SLC18A2: variants seen among roughly 807,000 people sequenced by gnomAD.
The protein encoded by SLC18A2 is synaptic vesicular amine transporter.
A neutral mutation model predicts 59.2 loss-of-function variants in SLC18A2; 33 were observed. The ratio of observed to expected loss-of-function variants is 0.56; its 90% CI spans 0.42 to 0.75. The LOEUF (loss-of-function observed/expected upper bound fraction) is 0.75. Among genes scored for constraint, SLC18A2 ranks in the 30% least tolerant of loss-of-function variants. The pLI, the probability that SLC18A2 is intolerant of heterozygous loss-of-function variation, is 0.00. For missense variants in SLC18A2, 569 were observed against 668.6 expected (o/e 0.85, Z 1.64); for synonymous variants, 228 against 253.5 (o/e 0.90, Z 0.95).
intron 10 of SLC18A2, 76 bp from the exon 11 acceptor site, chr10:117,266,657 G>C: frequency 9.1e-7 from 1 of 1,103,838 alleles, no homozygotes; most frequent in Non-Finnish European, 1.4e-6. Flanking sequence ...CAACATTGTG[G>C]TGTCTACAGT....
At chr10:117,276,613 C>CAA (rs1161850365) in intron 15 of SLC18A2, among the ~76,000 whole-genome samples, 17,262 of 46,860 alleles carry the variant, frequency 0.37, 3,977 homozygotes, top group Middle Eastern at 0.48. Context: ...GACTTCATCT[C>CAA]AAAAAAAAAA....
chr10:117,270,718 C>T (rs1347708860), intron 15 of SLC18A2, among the ~76,000 whole-genome samples: 4 of 152,168 alleles, frequency 2.6e-5, no homozygotes, highest in Non-Finnish European at 5.9e-5. Context: ...GCTCTTTTGT[C>T]GACCAAGTAT....
In SLC18A2 at chr10:117,257,743, C is replaced by T. The variant is rs11568710; in HGVS notation, c.896-54C>T. 6.1e-4 allele frequency: 740 copies of T among 1,219,460 alleles called. 1 individual carries two copies. The highest frequency in any genetic ancestry group is 8.2e-4 in the Non-Finnish European group (712 of 863,714). The allele number at this position is 1,219,460 out of a possible 1,614,324, so 75.5% of individuals were successfully genotyped here. A position where few individuals can be genotyped will look rare whatever the true frequency, so the allele number is the denominator to read the frequency against. ...GTAGGCGCATGGAGTCTAACTGTGC[C>T]TGGAAATGAGAGAGGAGGCAGAAGC... On this transcript the variant is annotated intron_variant, in intron 9 of 15. Coordinates refer to ENST00000644641, the MANE Select transcript of SLC18A2 (RefSeq NM_003054.6).
Position 117,257,426 on chromosome 10 carries a change from C to T in SLC18A2, c.896-371C>T, listed in dbSNP as rs150919538. 2.6e-3 allele frequency among the ~76,000 whole-genome samples: 401 copies of T among 152,192 alleles called. 2 individuals are homozygous for T. Among genetic ancestry groups the T allele is most frequent in the African/African-American group, 8.1e-3 (337 of 41,498 alleles). The stretch of plus-strand genomic sequence containing the variant: ...CAGATGCGAGAGCCTCAGGCTGCCC[C>T]GAGACTGTGTGTGGTCTGGAAGTGG... On this transcript the variant is annotated intron_variant, in intron 9 of 15. Transcript: ENST00000644641.
intron 9 of SLC18A2, among the ~76,000 whole-genome samples, chr10:117,257,212 ATAGT>A (rs1249538978): frequency 2.0e-5 from 3 of 152,084 alleles, no homozygotes; most frequent in African/African-American, 4.8e-5. Context: ...CTTTTTCCAG[ATAGT>A]TCTATATTTA....
At chr10:117,276,638 G>GA (rs1844496743) in intron 15 of SLC18A2, among the ~76,000 whole-genome samples, 2 of 128,666 alleles carry the variant, frequency 1.6e-5, no homozygotes, top group Non-Finnish European at 3.3e-5. Context: ...AAAAAAGAAA[G>GA]AAAGAAAGAA....
chr10:117,245,444 A>C (rs549841655), intron 3 of SLC18A2, among the ~76,000 whole-genome samples: 18 of 152,254 alleles, frequency 1.2e-4, no homozygotes, highest in Admixed American at 5.9e-4. Context: ...GGCAGTTGGG[A>C]GCCATTAGAA....
In SLC18A2 at chr10:117,251,153, G is replaced by T. The variant is rs565161534; in HGVS notation, c.465-2246G>T. 2.4e-4 allele frequency among the ~76,000 whole-genome samples: 37 copies of T among 152,238 alleles called. No homozygotes were observed. The South Asian group carries it at 7.7e-3, about 32-fold the overall frequency. On this transcript the variant is annotated intron_variant, in intron 3 of 15. Coordinates refer to ENST00000644641, the MANE Select transcript of SLC18A2 (RefSeq NM_003054.6). ...AATTCCAATAGCTTTGATACGTATTGGTACTTCAACAACTAGATTTTCCAA... is the reference window on the plus strand; with the variant it reads ...AATTCCAATAGCTTTGATACGTATTTGTACTTCAACAACTAGATTTTCCAA...
At chr10:117,262,939 T>C (rs1565006705) in intron 10 of SLC18A2, among the ~76,000 whole-genome samples, 1 of 152,118 alleles carries the variant, frequency 6.6e-6, no homozygotes, top group Admixed American at 6.5e-5. Context: ...GCTTTCTTTA[T>C]AAAATCTTTA....
At chr10:117,275,014 T>C (rs1844468941) in intron 15 of SLC18A2, among the ~76,000 whole-genome samples, 1 of 152,202 alleles carries the variant, frequency 6.6e-6, no homozygotes, top group Non-Finnish European at 1.5e-5. Context: ...ATTTCATTTT[T>C]TAACCTGCTC....
In SLC18A2 at chr10:117,257,864, G is replaced by T; in HGVS notation, c.963G>T (p.Glu321Asp). ...CAGCCCTGCCCATCTGGATGATGGA[G>T]ACCATGTGTTCCCGAAAGTGGCAGC... ...LEPALPIWMM[E>D]TMCSRKWQLG... The change falls in exon 10 of 16, where the codon GAG becomes GAT. Residue 321 changes from glutamate to aspartate, a missense_variant. This residue lies in a region of SLC18A2 where 192 missense variants were observed against 278.8 expected (regional missense o/e 0.69). Transcript: ENST00000644641. The T allele has an allele frequency of 6.2e-7, 1 of 1,612,044 alleles. No homozygotes were observed. Among genetic ancestry groups the T allele is most frequent in the Non-Finnish European group, 8.5e-7 (1 of 1,178,966 alleles).
At chr10:117,243,893 C>T (rs1844080475) in intron 2 of SLC18A2, 78 bp from the exon 3 acceptor site, 2 of 1,200,686 alleles carry the variant, frequency 1.7e-6, no homozygotes, top group Non-Finnish European at 2.3e-6. Context: ...GCCGACACAA[C>T]CATAGTTTTT....
chr10:117,255,543 G>T, intron 8 of SLC18A2, 21 bp downstream of exon 8: 1 of 1,614,136 alleles, frequency 6.2e-7, no homozygotes, highest in Non-Finnish European at 8.5e-7. Context: ...GGGAATGAGG[G>T]CCCTGGGGGA....
chr10:117,271,928 T>C (rs945290331), intron 15 of SLC18A2, among the ~76,000 whole-genome samples: 2 of 152,152 alleles, frequency 1.3e-5, no homozygotes, highest in African/African-American at 4.8e-5. Context: ...TGTGTGTATA[T>C]GTGTTTGTGT....
At chr10:117,263,335 C>T (rs532887043) in intron 10 of SLC18A2, among the ~76,000 whole-genome samples, 24 of 152,312 alleles carry the variant, frequency 1.6e-4, no homozygotes, top group Non-Finnish European at 2.2e-4. Flanking sequence ...CAGGAATCTT[C>T]TCTGAGCTCG....
chr10:117,255,509 G>C lies in SLC18A2; in HGVS notation c.821G>C (p.Arg274Pro). The C allele has an allele frequency of 6.2e-7, 1 of 1,614,036 alleles. No individual in the cohort carries two copies. The highest frequency in any genetic ancestry group is 8.5e-7 in the Non-Finnish European group (1 of 1,180,028). ...CAGCTCTTTGTGCTCCAGCCGTCCC[G>C]GGTGCAGCCAGAGGTAAGCGGCTGG... ...AIQLFVLQPS[R>P]VQPESQKGTP... The change falls in exon 8 of 16, where the codon CGG (arginine) becomes CCG (proline). Residue 274 changes from arginine to proline, a missense_variant. By Grantham distance (103) the Arg-to-Pro change is moderately radical. Coordinates refer to ENST00000644641, the MANE Select transcript of SLC18A2 (RefSeq NM_003054.6).
At chr10:117,256,039 TC>T (rs1844226114) in intron 9 of SLC18A2, among the ~76,000 whole-genome samples, 1 of 152,014 alleles carries the variant, frequency 6.6e-6, no homozygotes, top group Non-Finnish European at 1.5e-5. Flanking sequence ...AAGGCAAGGG[TC>T]CCCGGTGGGC....
intron 3 of SLC18A2, among the ~76,000 whole-genome samples, chr10:117,249,190 T>C (rs1273590729): frequency 3.3e-5 from 5 of 152,172 alleles, no homozygotes. Context: ...CCATCCTGCA[T>C]GTGGTTAGGA....
intron 15 of SLC18A2, among the ~76,000 whole-genome samples, 173 bp from the exon 16 acceptor site, chr10:117,276,989 T>G (rs994479338): frequency 2.0e-5 from 3 of 152,284 alleles, no homozygotes; most frequent in African/African-American, 7.2e-5. Flanking sequence ...ATTTTTAGAG[T>G]GTAGAACTAC....
Sources: allele counts gnomAD v4.1 joint callset (sites outside exome capture counted in the v4.1 genomes callset), GRCh38; gene constraint gnomAD v4.1.1; regional missense constraint gnomAD v4.1.1; transcripts MANE v1.5; gene names NCBI Gene and HGNC (gene_info 2026-07-23, HGNC 2026-07-21).